SORCS3: variants seen among roughly 807,000 people sequenced by gnomAD.
SORCS3 encodes the protein sortilin related VPS10 domain containing receptor 3.
Under a neutral mutation model 146.3 loss-of-function variants are expected in SORCS3, and 57 were observed. The observed-to-expected ratio is 0.39, with a 90% confidence interval of 0.31 to 0.49. The LOEUF is 0.49. SORCS3 is among the 20% of genes least tolerant of loss of function. The probability of loss-of-function intolerance (pLI) is 0.92; values close to 1 mark genes in which losing one functional copy is unlikely to be tolerated. For synonymous variants in SORCS3, 653 were observed against 618.5 expected, an observed-to-expected ratio of 1.06 and a Z score of -0.83; for missense variants, 1,341 against 1,575.5, an observed-to-expected ratio of 0.85 and a Z score of 2.52.
At chr10:105,151,673 T>A (rs1183003629) in intron 9 of SORCS3, among the ~76,000 whole-genome samples, 1 of 152,060 alleles carries the variant, frequency 6.6e-6, no homozygotes, top group Non-Finnish European at 1.5e-5. Context: ...CTTGCAAGCC[T>A]TGGCACTGAA....
intron 3 of SORCS3, among the ~76,000 whole-genome samples, chr10:104,925,195 G>A (rs979220851): frequency 7.2e-5 from 11 of 152,170 alleles, no homozygotes; most frequent in Non-Finnish European, 7.4e-5. Flanking sequence ...TGCTGAGAAT[G>A]ATGGTTTCCA....
intron 19 of SORCS3, among the ~76,000 whole-genome samples, chr10:105,219,022 A>AAT (rs1554887616): frequency 7.9e-5 from 12 of 151,930 alleles, no homozygotes; most frequent in Admixed American, 2.6e-4. Context: ...CTCAAAAAAA[A>AAT]ATATATATAT....
chr10:104,941,113 T>C lies in SORCS3; in HGVS notation c.795+25181T>C, dbSNP rs1177674697. ...ATTATAATTAGCAAATATTGAGCAG[T>C]GAGTACACTAGAGGTCACTTTTGGC... On this transcript the variant is annotated intron_variant, in intron 3 of 26. Coordinates refer to ENST00000369701, the MANE Select transcript of SORCS3 (RefSeq NM_014978.3). Among the ~76,000 whole-genome samples, 3 of 152,220 alleles carry C rather than the reference T, an allele frequency of 2.0e-5. No homozygotes were observed. The East Asian group carries it at 5.8e-4, about 29-fold the overall frequency.
At chr10:104,743,903 T>G (rs2016878448) in intron 1 of SORCS3, among the ~76,000 whole-genome samples, 1 of 152,204 alleles carries the variant, frequency 6.6e-6, no homozygotes, top group Admixed American at 6.5e-5. Flanking sequence ...TAAAAAGGCT[T>G]CAGAATGGGC....
At chr10:104,799,631 C>T (rs906288016) in intron 1 of SORCS3, among the ~76,000 whole-genome samples, 8 of 151,466 alleles carry the variant, frequency 5.3e-5, no homozygotes, top group African/African-American at 1.2e-4. Context: ...CACCAGGGCA[C>T]GTGTATACCT....
chr10:104,882,015 G>C (rs568809563), intron 2 of SORCS3, among the ~76,000 whole-genome samples: 1 of 152,330 alleles, frequency 6.6e-6, no homozygotes, highest in East Asian at 1.9e-4. Flanking sequence ...AGGGTATGAA[G>C]CTAGAGGTGA....
At chr10:105,164,402 A>T in intron 12 of SORCS3, 23 bp downstream of exon 12, 7 of 1,523,174 alleles carry the variant, frequency 4.6e-6, no homozygotes, top group Non-Finnish European at 6.4e-6. Flanking sequence ...ATTGACAAAA[A>T]GGGAGGAGGC....
chr10:104,735,933 G>GACACAA (rs2016766489), intron 1 of SORCS3, among the ~76,000 whole-genome samples: 1 of 152,072 alleles, frequency 6.6e-6, no homozygotes, highest in Non-Finnish European at 1.5e-5. Context: ...ACACAATACA[G>GACACAA]TAGTAGCCCA....
At chr10:104,930,385 TTAGATGGGTACCATGACCCTC>T (rs1191965969) in intron 3 of SORCS3, among the ~76,000 whole-genome samples, 4 of 152,198 alleles carry the variant, frequency 2.6e-5, no homozygotes, top group African/African-American at 7.2e-5. Context: ...CTCTCCTGGC[TTAGATGGGTACCATGACCCTC>T]TAGAACATCT....
intron 4 of SORCS3, among the ~76,000 whole-genome samples, chr10:104,986,722 G>A (rs1381815670): frequency 6.6e-6 from 1 of 152,194 alleles, no homozygotes; most frequent in Admixed American, 6.5e-5. Context: ...CCTGAAGACA[G>A]GGAGAGAGAT....
chr10:105,262,504 G>C lies in SORCS3; in HGVS notation c.3604+13G>C, dbSNP rs2056968072. On this transcript the variant is annotated intron_variant, in intron 26 of 26. Transcript: ENST00000369701. The stretch of plus-strand genomic sequence containing the variant: ...ACGCGGGTCATAGGTACATGCTCCT[G>C]CTCCACTAAGCTCCCCTGTTCTGTG... The C allele has an allele frequency of 1.2e-6, 2 of 1,610,360 alleles. No homozygotes were observed. Among genetic ancestry groups the C allele is most frequent in the African/African-American group, 1.3e-5 (1 of 74,804 alleles).
At chr10:104,751,939 A>ATATG (rs1384614259) in intron 1 of SORCS3, among the ~76,000 whole-genome samples, 3 of 100,202 alleles carry the variant, frequency 3.0e-5, no homozygotes, top group Non-Finnish European at 5.7e-5. Context: ...ATATATATAT[A>ATATG]TATATATATA....
chr10:105,108,183 T>C, intron 7 of SORCS3, among the ~76,000 whole-genome samples: 1 of 152,114 alleles, frequency 6.6e-6, no homozygotes, highest in Non-Finnish European at 1.5e-5. Flanking sequence ...AGTGGTGAAC[T>C]AGGAACACGG....
At chr10:105,097,212 A>T (rs546404426) in intron 6 of SORCS3, among the ~76,000 whole-genome samples, 1 of 152,212 alleles carries the variant, frequency 6.6e-6, no homozygotes. Context: ...GCCTACTCCT[A>T]GTCTCCCTCT....
intron 2 of SORCS3, among the ~76,000 whole-genome samples, chr10:104,864,942 G>A (rs937432477): frequency 6.6e-6 from 1 of 152,046 alleles, no homozygotes; most frequent in African/African-American, 2.4e-5. Flanking sequence ...TTTATCTTTT[G>A]TCTCTTCAAT....
chr10:105,256,833 T>C lies in SORCS3; in HGVS notation c.3352T>C (p.Ser1118Pro). 2 of 1,614,042 alleles carry C rather than the reference T, an allele frequency of 1.2e-6. No individual in the cohort carries two copies. Among genetic ancestry groups the C allele is most frequent in the Non-Finnish European group, 1.7e-6 (2 of 1,179,860 alleles). ...TTCTTTCCAAGCTCCATTGGTGGAC[T>C]CCAGTGCTGGGCACAGCAGCTCAGC... Reference protein sequence around the residue: ...TQLTLAPLVDSSAGHSSSAML... With the variant: ...TQLTLAPLVDPSAGHSSSAML... The change falls in exon 25 of 27, where the codon TCC (serine) becomes CCC (proline). Residue 1118 changes from serine (S) to proline (P), a missense_variant. By Grantham distance (74) the Ser-to-Pro change is moderately conservative (BLOSUM62 -1). Coordinates refer to ENST00000369701, the MANE Select transcript of SORCS3 (RefSeq NM_014978.3).
intron 2 of SORCS3, among the ~76,000 whole-genome samples, chr10:104,845,205 A>AT (rs1262093674): frequency 2.0e-5 from 3 of 150,738 alleles, no homozygotes; most frequent in East Asian, 1.9e-4. Flanking sequence ...ACTTGGCTAC[A>AT]TTTTTTTTTC....
At chr10:105,173,570 T>C (rs949216780) in intron 13 of SORCS3, among the ~76,000 whole-genome samples, 1 of 152,200 alleles carries the variant, frequency 6.6e-6, no homozygotes, top group Non-Finnish European at 1.5e-5. Flanking sequence ...TCTCTTAAAT[T>C]ACCACCCCTC....
chr10:104,712,203 T>A lies in SORCS3; in HGVS notation c.627+70249T>A, dbSNP rs558852717. 3.9e-5 allele frequency among the ~76,000 whole-genome samples: 6 copies of A among 152,280 alleles called. No individual in the cohort carries two copies. In the East Asian group the frequency reaches 9.7e-4, roughly 25 times the overall value. On this transcript the variant is annotated intron_variant, in intron 1 of 26. Coordinates refer to ENST00000369701, the MANE Select transcript of SORCS3 (RefSeq NM_014978.3). ...TAACAACCTTGTGAAATATCATTATTTCAGACCTGTACCAGTATGAGGAAA... is the reference window on the plus strand; with the variant it reads ...TAACAACCTTGTGAAATATCATTATATCAGACCTGTACCAGTATGAGGAAA...
Sources: gnomAD v4.1 joint callset for allele counts (sites outside exome capture counted in the v4.1 genomes callset) on GRCh38, gnomAD v4.1.1 for gene constraint, MANE v1.5 for transcripts, NCBI Gene and HGNC (gene_info 2026-07-23, HGNC 2026-07-21) for gene names.